PCNX3: variants seen among roughly 807,000 people sequenced by gnomAD.
PCNX3 encodes the protein pecanex-like protein 3.
Under a neutral mutation model 207.2 loss-of-function variants are expected in PCNX3, and 58 were observed. That is an observed-to-expected ratio of 0.28 (90% confidence interval 0.23 to 0.35). The LOEUF (loss-of-function observed/expected upper bound fraction) is 0.35, where lower values mean the gene tolerates loss of function less well. Among genes scored for constraint, PCNX3 ranks in the 10% least tolerant of loss-of-function variants. The pLI, the probability that PCNX3 is intolerant of heterozygous loss-of-function variation, is 1.00. For synonymous variants in PCNX3, 1,337 were observed against 1,183.5 expected, an observed-to-expected ratio of 1.13 and a Z score of -2.66; for missense variants, 2,410 against 2,774.4, an observed-to-expected ratio of 0.87 and a Z score of 2.95.
intron 27 of PCNX3, among the ~76,000 whole-genome samples, 176 bp downstream of exon 27, chr11:65,630,780 G>A (rs1855587012): frequency 6.6e-6 from 1 of 152,162 alleles, no homozygotes; most frequent in Non-Finnish European, 1.5e-5. Flanking sequence ...AGGTTGCAGG[G>A]GCCTCTGTGC....
In PCNX3 at chr11:65,635,257, G is replaced by A; in HGVS notation, c.4993G>A (p.Ala1665Thr). The A allele has an allele frequency of 6.3e-7, 1 of 1,587,798 alleles. No individual in the cohort carries two copies. The highest frequency in any genetic ancestry group is 8.6e-7 in the Non-Finnish European group (1 of 1,167,494). Residue 1665 changes from alanine (A) to threonine (T), a missense_variant, in exon 31 of 35, where the codon GCC becomes ACC. Transcript: ENST00000355703. This position sits in a 1 kb window ranked among gnomAD's most constrained non-coding sequence, Gnocchi z 9.9. Reference sequence around the variant, plus strand: ...CCCAGATGAATATGAGGAGCCAGCAGCCCTATACGATGCCATTGCGGCCAA... The same window carrying A: ...CCCAGATGAATATGAGGAGCCAGCAACCCTATACGATGCCATTGCGGCCAA... The part of the protein sequence containing the change: ...TSPDEYEEPA[A>T]LYDAIAANEE...
chr11:65,623,688 C>T (rs1338585668), intron 12 of PCNX3, 44 bp downstream of exon 12: 2 of 1,595,070 alleles, frequency 1.3e-6, no homozygotes, highest in South Asian at 2.3e-5. Context: ...CCGACTTTTC[C>T]CAAGATTGCC....
chr11:65,627,377 G>A, intron 21 of PCNX3, 28 bp from the exon 22 acceptor site: 2 of 1,599,268 alleles, frequency 1.3e-6, no homozygotes, highest in African/African-American at 1.3e-5. Context: ...CCCCTACCAA[G>A]CACCCGATGC....
At position 65,635,043 on chromosome 11, in the gene PCNX3, G is replaced by A. The variant is rs780658804; in HGVS notation, c.4876G>A (p.Glu1626Lys). ...GDFRITSPRD[E>K]WVFADMDLLH... The stretch of plus-strand genomic sequence containing the variant: ...TTTTCGCATCACCTCCCCACGTGAC[G>A]AGTGGGTCTTTGCCGACATGGACCT... Residue 1626 changes from glutamate (E) to lysine (K), a missense_variant, in exon 30 of 35, where the codon GAG (glutamate) becomes AAG (lysine). By Grantham distance (56) the Glu-to-Lys change is moderately conservative. Transcript: ENST00000355703. The surrounding 1 kb of genome is among the most constrained non-coding windows in gnomAD (Gnocchi z 9.9). 1 of 1,613,884 alleles carries A rather than the reference G, an allele frequency of 6.2e-7. No homozygotes were observed. Among genetic ancestry groups the A allele is most frequent in the South Asian group, 1.1e-5 (1 of 91,082 alleles).
In PCNX3 at chr11:65,619,820, G is replaced by A. The variant is rs1406056744; in HGVS notation, c.1896G>A (p.Ala632=). ...CCCGGGCGCTGACGCTGCCCTCTGC[G>A]CTGCATTTCGCCTCTTCACTGTTGC... ...SHSRALTLPS[A]LHFASSLLLT... The change falls in exon 8 of 35, where the codon GCG becomes GCA. Residue 632 remains alanine (A), a synonymous_variant. Transcript: ENST00000355703. 2.5e-6 allele frequency: 4 copies of A among 1,601,614 alleles called. No homozygotes were observed. The highest frequency in any genetic ancestry group is 1.3e-5 in the African/African-American group (1 of 74,868).
intron 5 of PCNX3, 99 bp downstream of exon 5, chr11:65,617,805 C>T (rs1017659575): frequency 4.1e-6 from 6 of 1,477,958 alleles, no homozygotes; most frequent in East Asian, 2.5e-5. Flanking sequence ...CCTCTGTATT[C>T]CTCTGTGGGA....
At position 65,622,189 on chromosome 11, in the gene PCNX3, G is replaced by A. The variant is rs553303328; in HGVS notation, c.2236-56G>A. The A allele has an allele frequency of 4.5e-5, 70 of 1,557,824 alleles. 1 individual carries two copies. The highest frequency in any genetic ancestry group is 1.7e-4 in the Middle Eastern group (1 of 5,874). ...GGGGGGTGGCGGGGCTGACGGCCGC[G>A]GCTGTGGGGACTGCAGTTTGACCTG... On this transcript the variant is annotated intron_variant, in intron 10 of 34. Coordinates refer to ENST00000355703, the MANE Select transcript of PCNX3 (RefSeq NM_032223.4).
Position 65,625,828 on chromosome 11 carries a change from G to A in PCNX3, c.3229-76G>A, listed in dbSNP as rs555032804. 81 of 1,597,160 alleles carry A rather than the reference G, an allele frequency of 5.1e-5. No individual in the cohort carries two copies. In the East Asian group the frequency reaches 1.4e-3, roughly 28 times the overall value. ...TGAGTGCCGTGGGCAGCCCCTCCCC[G>A]GCCTGTGCCAGGTGGCCCTCTGTGG... On this transcript the variant is annotated intron_variant, in intron 19 of 34. Transcript: ENST00000355703. The surrounding 1 kb of genome is among the most constrained non-coding windows in gnomAD (Gnocchi z 5.6).
Position 65,625,144 on chromosome 11 carries a change from C to G in PCNX3, c.2920-27C>G, listed in dbSNP as rs1017299314. ...CGGGCCCCATGCTTACCTCACCTCC[C>G]CTGACCAGCATGGATTCTCTCCGCA... On this transcript the variant is annotated intron_variant, in intron 16 of 34. Coordinates refer to ENST00000355703, the MANE Select transcript of PCNX3 (RefSeq NM_032223.4). The surrounding 1 kb of genome is among the most constrained non-coding windows in gnomAD (Gnocchi z 5.6). The G allele has an allele frequency of 5.1e-6, 8 of 1,582,422 alleles. No homozygotes were observed. The highest frequency in any genetic ancestry group is 4.5e-5 in the East Asian group (2 of 44,436).
At chr11:65,626,299 G>A (rs1189057789) in intron 20 of PCNX3, 1 of 672,656 alleles carries the variant, frequency 1.5e-6, no homozygotes, top group Non-Finnish European at 2.7e-6. Context: ...CCTCCTTCCT[G>A]TCTGTGAGAA....
chr11:65,621,984 G>A (rs1429427714), intron 10 of PCNX3, among the ~76,000 whole-genome samples: 4 of 152,136 alleles, frequency 2.6e-5, no homozygotes, highest in Admixed American at 6.5e-5. Context: ...GCGTGGGAGC[G>A]GGTGACTCTA....
Position 65,618,894 on chromosome 11 carries a change from G to A in PCNX3, c.1532G>A (p.Gly511Asp). ...GTGCTGAGCATGGATGGGGCTGGGG[G>A]TGATGTTCTGAGGCCCCCACTGGCT... ...ARVLSMDGAG[G>D]DVLRPPLAGC... Residue 511 changes from glycine to aspartate, a missense_variant, in exon 6 of 35, where the codon GGT (glycine) becomes GAT (aspartate). Transcript: ENST00000355703. The A allele has an allele frequency of 6.2e-7, 1 of 1,609,910 alleles. No individual in the cohort carries two copies.
Position 65,616,336 on chromosome 11 carries a change from C to G in PCNX3, c.25C>G (p.Leu9Val). 6.2e-7 allele frequency: 1 copy of G among 1,602,274 alleles called. No individual in the cohort carries two copies. The highest frequency in any genetic ancestry group is 8.5e-7 in the Non-Finnish European group (1 of 1,177,168). MGSQVLQI[L>V]RQGVWASLTG... is the part of the protein sequence containing the mutation. Reference sequence around the variant, plus strand: ...CATGGGGTCGCAGGTGTTGCAGATCCTGCGCCAGGGGGTGTGGGCCTCGCT... The same window carrying G: ...CATGGGGTCGCAGGTGTTGCAGATCGTGCGCCAGGGGGTGTGGGCCTCGCT... Residue 9 changes from leucine (L) to valine (V), a missense_variant, in exon 1 of 35, where the codon CTG (leucine) becomes GTG (valine). Transcript: ENST00000355703.
chr11:65,631,432 G>A (rs1424826199), intron 27 of PCNX3, among the ~76,000 whole-genome samples: 1 of 152,166 alleles, frequency 6.6e-6, no homozygotes, highest in Non-Finnish European at 1.5e-5. Flanking sequence ...CAAGGCAGGT[G>A]GATCACTTGA....
chr11:65,632,161 G>A (rs1236500866), intron 27 of PCNX3, among the ~76,000 whole-genome samples: 1 of 152,172 alleles, frequency 6.6e-6, no homozygotes, highest in Non-Finnish European at 1.5e-5. Context: ...TTGTCCCATG[G>A]GGAAGCTGAC....
chr11:65,632,323 G>A (rs371680786), intron 27 of PCNX3, among the ~76,000 whole-genome samples: 15 of 151,788 alleles, frequency 9.9e-5, no homozygotes, highest in East Asian at 5.9e-4. Flanking sequence ...GGGGGGAGGC[G>A]GGTGTGCTGG....
In PCNX3 at chr11:65,625,283, G is replaced by C. The variant is rs1321229113; in HGVS notation, c.3029+3G>C. 6.2e-7 allele frequency: 1 copy of C among 1,605,810 alleles called. No individual in the cohort carries two copies. The highest frequency in any genetic ancestry group is 1.3e-5 in the African/African-American group (1 of 74,786). ...AGCAGCGACCCCACCGTGCTCTGGT[G>C]GGTGTGCTCCGGGTCGTGTGTTTGT... On this transcript the variant is annotated splice_donor_region_variant and intron_variant, in intron 17 of 34. Transcript: ENST00000355703. This position sits in a 1 kb window ranked among gnomAD's most constrained non-coding sequence, Gnocchi z 5.6.
Position 65,636,169 on chromosome 11 carries a change from C to T in PCNX3, c.5460-5C>T. 2 of 1,597,956 alleles carry T rather than the reference C, an allele frequency of 1.3e-6. No homozygotes were observed. Among genetic ancestry groups the T allele is most frequent in the Non-Finnish European group, 1.7e-6 (2 of 1,172,268 alleles). On this transcript the variant is annotated splice_region_variant and splice_polypyrimidine_tract_variant and intron_variant, in intron 32 of 34. Transcript: ENST00000355703. ...CTGATCCCTTTTCTACCTCTCCACC[C>T]CCAGGCTTCACAAGGGCTGTGGCGC... is the stretch of plus-strand genomic sequence containing the variant.
At chr11:65,624,645 TG>T in intron 15 of PCNX3, 64 bp downstream of exon 15, 1 of 1,422,030 alleles carries the variant, frequency 7.0e-7, no homozygotes, top group Admixed American at 2.0e-5. Context: ...GCCCTCGGAT[TG>T]GGTCCTTGGC....
Sources: allele counts gnomAD v4.1 joint callset (sites outside exome capture counted in the v4.1 genomes callset), GRCh38; gene constraint gnomAD v4.1.1; non-coding constraint Gnocchi (gnomAD v3.1); transcripts MANE v1.5; gene names NCBI Gene and HGNC (gene_info 2026-07-23, HGNC 2026-07-21).